The following SESN3 variants were observed in gnomAD, a reference collection of about 807,000 sequenced individuals.
The protein encoded by SESN3 is sestrin-3.
In SESN3, 21 loss-of-function variants were observed where a neutral mutation model predicts 55.3. The observed-to-expected ratio is 0.38, with a 90% CI of 0.27 to 0.55. SESN3 has a LOEUF of 0.55. SESN3 is among the 20% of genes least tolerant of loss of function. SESN3 has a pLI of 0.76. For synonymous variants in SESN3, 181 were observed against 203.1 expected (o/e 0.89, Z 0.93); for missense variants, 408 against 604.3 (o/e 0.68, Z 3.41).
In SESN3 at chr11:95,169,803, AGGAAAAAGTTGCTCT is replaced by A. The variant is rs983028344; in HGVS notation, c.*3437_*3451del. The stretch of plus-strand genomic sequence containing the variant: ...AAAAAAAAACTTTATAAGGGGGAAA[AGGAAAAAGTTGCTCT>A]GGAATAATAATTAGCTTTTAGAAGC... On this transcript the variant is annotated 3_prime_UTR_variant, in exon 10 of 10. Coordinates refer to ENST00000536441, the MANE Select transcript of SESN3 (RefSeq NM_144665.4). 2 of 152,136 alleles carry A rather than the reference AGGAAAAAGTTGCTCT, an allele frequency of 1.3e-5. No homozygotes were observed. The highest frequency in any genetic ancestry group is 4.8e-5 in the African/African-American group (2 of 41,452). 9.4% of individuals were successfully genotyped at this position (152,136 alleles called of 1,614,324 possible).
chr11:95,224,044 C>T (rs996708150), intron 1 of SESN3, among the ~76,000 whole-genome samples: 4 of 152,168 alleles, frequency 2.6e-5, no homozygotes. Context: ...GTGACATTTA[C>T]ATTTTGCAAA....
At chr11:95,223,346 CCAAA>C (rs1239711339) in intron 1 of SESN3, among the ~76,000 whole-genome samples, 2 of 152,152 alleles carry the variant, frequency 1.3e-5, no homozygotes, top group African/African-American at 4.8e-5. Flanking sequence ...AGCTTTCAAG[CCAAA>C]CAGACTAACC....
chr11:95,204,822 A>C (rs559120983), intron 1 of SESN3: 1 of 152,326 alleles, frequency 6.6e-6, no homozygotes, highest in South Asian at 2.1e-4. Context: ...GCATGGACTA[A>C]GACAAGCTCA....
intron 6 of SESN3, among the ~76,000 whole-genome samples, chr11:95,179,961 AT>A: frequency 6.6e-6 from 1 of 152,304 alleles, no homozygotes; most frequent in East Asian, 1.9e-4. Context: ...ATGCATATTA[AT>A]TTATGGAAAA....
chr11:95,222,972 C>T (rs547823979), intron 1 of SESN3, among the ~76,000 whole-genome samples: 160 of 152,218 alleles, frequency 1.1e-3, no homozygotes, highest in African/African-American at 3.5e-3. Flanking sequence ...ACTTCCTCCC[C>T]GCCATCTGTA....
upstream of SESN3, chr11:95,231,573 G>A (rs927249071): frequency 6.4e-6 from 1 of 156,428 alleles, no homozygotes; most frequent in Non-Finnish European, 1.4e-5. Flanking sequence ...CTGCAGAAGT[G>A]GTGAGGAGAA....
chr11:95,181,355 G>C (rs933276724), intron 6 of SESN3, among the ~76,000 whole-genome samples: 2 of 152,038 alleles, frequency 1.3e-5, no homozygotes, highest in African/African-American at 2.4e-5. Flanking sequence ...CTGTTTCCTA[G>C]ACAATTTTTA....
rs1859741465 is a variant in SESN3 at position 95,166,084 on chromosome 11, A to C, written c.*7171T>G. 6.6e-6 allele frequency: 1 copy of C among 152,198 alleles called. No homozygotes were observed. Among genetic ancestry groups the C allele is most frequent in the Non-Finnish European group, 1.5e-5 (1 of 68,026 alleles). The allele number at this position is 152,198 out of a possible 1,614,324, so 9.4% of individuals were successfully genotyped here. A position where few individuals can be genotyped will look rare whatever the true frequency, so the allele number is the denominator to read the frequency against. ...GCTGTTTATTAAGTTTGCTATTTTC[A>C]GAATTGAAACTATAAGACCGCCATT... On this transcript the variant is annotated 3_prime_UTR_variant, in exon 10 of 10. Coordinates refer to ENST00000536441, the MANE Select transcript of SESN3 (RefSeq NM_144665.4).
intron 4 of SESN3, among the ~76,000 whole-genome samples, chr11:95,189,417 C>T (rs1253925014): frequency 6.6e-6 from 1 of 151,986 alleles, no homozygotes; most frequent in African/African-American, 2.4e-5. Context: ...CTAGCTCCCT[C>T]ATTCCGTAGA....
At chr11:95,203,371 A>G (rs1860492597) in intron 1 of SESN3, among the ~76,000 whole-genome samples, 1 of 152,194 alleles carries the variant, frequency 6.6e-6, no homozygotes. Flanking sequence ...GTCAGAAATA[A>G]GAACTCATGT....
intron 1 of SESN3, chr11:95,201,294 CAGT>C (rs1860457445): frequency 6.6e-6 from 1 of 151,940 alleles, no homozygotes; most frequent in Non-Finnish European, 1.5e-5. Context: ...TGGAAACTGG[CAGT>C]AGTACTCATT....
At chr11:95,190,498 G>A (rs752073505) in intron 3 of SESN3, among the ~76,000 whole-genome samples, 3 of 151,854 alleles carry the variant, frequency 2.0e-5, no homozygotes, top group Non-Finnish European at 4.4e-5. Context: ...CCTCAGGGCT[G>A]CTTCTCAGTA....
intron 1 of SESN3, among the ~76,000 whole-genome samples, chr11:95,215,928 C>G (rs1362394713): frequency 2.6e-5 from 4 of 151,952 alleles, no homozygotes; most frequent in Non-Finnish European, 5.9e-5. Context: ...GAAACCCCGT[C>G]TCTACTAAAA....
At chr11:95,173,457 C>G in intron 9 of SESN3, 116 bp from the exon 10 acceptor site, 1 of 493,004 alleles carries the variant, frequency 2.0e-6, no homozygotes, top group Admixed American at 2.8e-5. Flanking sequence ...ACACACACAC[C>G]TAGGCATATT....
At chr11:95,209,722 A>G (rs1860615003) in intron 1 of SESN3, among the ~76,000 whole-genome samples, 1 of 151,304 alleles carries the variant, frequency 6.6e-6, no homozygotes, top group Non-Finnish European at 1.5e-5. Context: ...TGCAGCCATA[A>G]AAAAGGATGT....
intron 1 of SESN3, among the ~76,000 whole-genome samples, chr11:95,199,164 A>G (rs1457650401): frequency 6.6e-6 from 1 of 152,038 alleles, no homozygotes. Context: ...AATAGTAATA[A>G]CTTTATCGTG....
At chr11:95,224,992 T>C (rs144105490) in intron 1 of SESN3, among the ~76,000 whole-genome samples, 4,768 of 152,296 alleles carry the variant, frequency 0.031, 100 homozygotes, top group Non-Finnish European at 0.047. Flanking sequence ...CATTTTGTCA[T>C]ACGGGGTATT....
At chr11:95,202,197 C>A (rs533628078) in intron 1 of SESN3, among the ~76,000 whole-genome samples, 62 of 152,154 alleles carry the variant, frequency 4.1e-4, no homozygotes, top group Non-Finnish European at 7.1e-4. Context: ...CAATTTCTAA[C>A]ACAATATCTG....
Position 95,178,738 on chromosome 11 carries a change from T to C in SESN3, c.1028A>G (p.Glu343Gly). The C allele has an allele frequency of 6.2e-7, 1 of 1,610,802 alleles. No homozygotes were observed. The highest frequency in any genetic ancestry group is 8.5e-7 in the Non-Finnish European group (1 of 1,177,026). ...AGCTCGGAATGTTGGCAAATGCTCT[T>C]CTCCTCGTCTGGCAAAGTCTTCATA... ...FGYEDFARRG[E>G]EHLPTFRAQD... The change falls in exon 7 of 10, where the codon GAA (glutamate) becomes GGA (glycine). Residue 343 changes from glutamate to glycine, a missense_variant. Glu to Gly is a moderately conservative substitution (Grantham distance 98, BLOSUM62 -2). Transcript: ENST00000536441.
Sources: allele counts gnomAD v4.1 joint callset (sites outside exome capture counted in the v4.1 genomes callset), GRCh38; gene constraint gnomAD v4.1.1; transcripts MANE v1.5; gene names NCBI Gene and HGNC (gene_info 2026-07-23, HGNC 2026-07-21).